Variants in MCF2L observed in about 807,000 individuals in gnomAD.
MCF2L encodes MCF.2 cell line derived transforming sequence like, also known as guanine nucleotide exchange factor DBS.
Under a neutral mutation model 153.4 loss-of-function variants are expected in MCF2L, and 97 were observed. That is an observed-to-expected ratio of 0.63 (90% confidence interval 0.54 to 0.75). The LOEUF is 0.75. Ranked by LOEUF, MCF2L falls within the 30% of genes least tolerant of loss-of-function variation. The probability of loss-of-function intolerance (pLI) is 0.00; values close to 1 mark genes in which losing one functional copy is unlikely to be tolerated. For synonymous variants in MCF2L, 659 were observed against 632.2 expected (o/e 1.04, Z -0.64); for missense variants, 1,347 against 1,495.2 (o/e 0.90, Z 1.64).
chr13:112,979,824 T>C, intron 1 of MCF2L: 1 of 1,432,636 alleles, frequency 7.0e-7, no homozygotes, highest in Non-Finnish European at 9.5e-7. Context: ...GTGTCCTCTC[T>C]GCGGGCAGGT....
At chr13:112,942,622 C>T (rs55703030) in intron 2 of MCF2L, among the ~76,000 whole-genome samples, 16,804 of 152,172 alleles carry the variant, frequency 0.11, 1,394 homozygotes, top group African/African-American at 0.23. Context: ...GTCCACCTGT[C>T]TGATTTACAC....
chr13:113,095,940 T>G (rs1181823945), intron 27 of MCF2L: 12 of 486,190 alleles, frequency 2.5e-5, no homozygotes, highest in East Asian at 1.2e-4. Flanking sequence ...GAAAGAGGAG[T>G]GAGGCTTGGG....
In MCF2L at chr13:112,969,622, G is replaced by C; in HGVS notation, c.79+164G>C. ...GGTTGGCAGCTGGTGTGTTTTCAGA[G>C]GCTGTCGGCGATCGTATGCTGCCCG... On this transcript the variant is annotated intron_variant, in intron 1 of 29. Coordinates refer to ENST00000535094, the MANE Select transcript of MCF2L (RefSeq NM_001112732.3). This position sits in a 1 kb window ranked among gnomAD's most constrained non-coding sequence, Gnocchi z 4.8. 1 of 800,742 alleles carries C rather than the reference G, an allele frequency of 1.2e-6. No individual in the cohort carries two copies. Among genetic ancestry groups the C allele is most frequent in the Non-Finnish European group, 1.5e-6 (1 of 661,188 alleles). 49.6% of individuals were successfully genotyped at this position (800,742 alleles called of 1,614,324 possible). A position where few individuals can be genotyped will look rare whatever the true frequency, so the allele number is the denominator to read the frequency against.
chr13:112,928,248 T>C (rs1208617375), intron 2 of MCF2L, among the ~76,000 whole-genome samples: 3 of 152,328 alleles, frequency 2.0e-5, no homozygotes, highest in South Asian at 4.2e-4. Flanking sequence ...GTTGCAGTCA[T>C]TGCACCGTTT....
At chr13:113,050,297 T>A in intron 4 of MCF2L, among the ~76,000 whole-genome samples, 1 of 140,344 alleles carries the variant, frequency 7.1e-6, no homozygotes, top group South Asian at 2.3e-4. Flanking sequence ...AGAGTGTGTG[T>A]GTGTGAGAGT....
At chr13:113,050,714 G>GAT (rs2087214076) in intron 4 of MCF2L, among the ~76,000 whole-genome samples, 1 of 25,364 alleles carries the variant, frequency 3.9e-5, no homozygotes, top group Non-Finnish European at 8.9e-5. Flanking sequence ...GGAGGAGCAG[G>GAT]GGGGGCGGGG....
intron 24 of MCF2L, 57 bp downstream of exon 24, chr13:113,088,462 C>T (rs2034853427): frequency 6.2e-7 from 1 of 1,609,094 alleles, no homozygotes; most frequent in Admixed American, 1.7e-5. Flanking sequence ...TGCATTTTTA[C>T]CTATGTTCAG....
At position 112,921,034 on chromosome 13, in the gene MCF2L, G is replaced by A. The variant is rs528962754; in HGVS notation, c.169+18663G>A. On this transcript the variant is annotated intron_variant, in intron 2 of 29. Transcript: ENST00000375608. ...AAAAAAAAAATCCAAAAAATTAGCC[G>A]GGTGTGGTGGCGGGCGCCTGTAGTC... Among the ~76,000 whole-genome samples, 1,417 of 151,896 alleles carry A rather than the reference G, an allele frequency of 9.3e-3. 12 individuals carry two copies. The highest frequency in any genetic ancestry group is 0.015 in the Non-Finnish European group (1,037 of 67,924).
At chr13:112,970,296 G>A (rs1255041176) in intron 1 of MCF2L, among the ~76,000 whole-genome samples, 2 of 152,206 alleles carry the variant, frequency 1.3e-5, no homozygotes, top group African/African-American at 4.8e-5. Context: ...AGATTAAAAT[G>A]TCAGTTGCTT....
chr13:113,088,557 C>A lies in MCF2L; in HGVS notation c.2768-5C>A. ...TCACGTGGTTTGTCTGCTCCCTCCT[C>A]GCAGAAGCCAGCCAGCACCGGGCGC... On this transcript the variant is annotated splice_polypyrimidine_tract_variant and splice_region_variant and intron_variant, in intron 24 of 29. Coordinates refer to ENST00000535094, the MANE Select transcript of MCF2L (RefSeq NM_001112732.3). 1 of 1,611,108 alleles carries A rather than the reference C, an allele frequency of 6.2e-7. No individual in the cohort carries two copies. Among genetic ancestry groups the A allele is most frequent in the South Asian group, 1.1e-5 (1 of 90,924 alleles).
rs1036076210 is a variant in MCF2L at position 113,035,902 on chromosome 13, G to A, written c.279-9369G>A. ...TTGGTAGTGAGTCTGTGTGACAGGC[G>A]ATGGGGCCTTCCTCTCTGGTACAGC... On this transcript the variant is annotated intron_variant, in intron 3 of 29. Transcript: ENST00000535094. The surrounding 1 kb of genome is among the most constrained non-coding windows in gnomAD (Gnocchi z 4.4). Among the ~76,000 whole-genome samples the A allele has an allele frequency of 4.6e-5, 7 of 152,126 alleles. No individual in the cohort carries two copies. Among genetic ancestry groups the A allele is most frequent in the Non-Finnish European group, 1.0e-4 (7 of 68,048 alleles).
In MCF2L at chr13:112,960,005, G is replaced by A. The variant is rs1020344019; in HGVS notation, c.170-54758G>A. 2.0e-5 allele frequency among the ~76,000 whole-genome samples: 3 copies of A among 152,232 alleles called. No homozygotes were observed. The highest frequency in any genetic ancestry group is 2.9e-5 in the Non-Finnish European group (2 of 68,046). ...AGCCCTCTCTCTGTTCTCACGCGTCGGGCTGCGGCAGAGGTGCCTGTGTCA... is the reference window on the plus strand; with the variant it reads ...AGCCCTCTCTCTGTTCTCACGCGTCAGGCTGCGGCAGAGGTGCCTGTGTCA... On this transcript the variant is annotated intron_variant, in intron 2 of 29. Transcript: ENST00000375608. The surrounding 1 kb of genome is among the most constrained non-coding windows in gnomAD (Gnocchi z 4.2).
chr13:112,958,591 C>T (rs1430675625), intron 2 of MCF2L, among the ~76,000 whole-genome samples: 4 of 152,240 alleles, frequency 2.6e-5, no homozygotes, highest in Admixed American at 2.6e-4. Flanking sequence ...GACTCACCTT[C>T]CTCATTTCCC....
At chr13:112,937,733 G>A (rs916599906) in intron 2 of MCF2L, among the ~76,000 whole-genome samples, 1 of 151,470 alleles carries the variant, frequency 6.6e-6, no homozygotes, top group East Asian at 1.9e-4. Flanking sequence ...AGCCAAGGTA[G>A]GTGAGCACTG....
intron 2 of MCF2L, among the ~76,000 whole-genome samples, chr13:112,935,081 G>A: frequency 6.6e-6 from 1 of 152,130 alleles, no homozygotes; most frequent in East Asian, 1.9e-4. Context: ...CTGTGTTAGG[G>A]GCACTGCCAA....
chr13:112,960,320 G>A lies in MCF2L; in HGVS notation c.170-54443G>A, dbSNP rs970542353. ...AGCGCGCTCTCACAACTGAAACAGCGCTCGTCCAGTCATGAGGGCAGGGTC... is the reference window on the plus strand; with the variant it reads ...AGCGCGCTCTCACAACTGAAACAGCACTCGTCCAGTCATGAGGGCAGGGTC... On this transcript the variant is annotated intron_variant, in intron 2 of 29. Transcript: ENST00000375608. The surrounding 1 kb of genome is among the most constrained non-coding windows in gnomAD (Gnocchi z 4.2). Among the ~76,000 whole-genome samples the A allele has an allele frequency of 2.0e-4, 31 of 152,270 alleles. No individual in the cohort carries two copies. The highest frequency in any genetic ancestry group is 2.0e-3 in the Admixed American group (30 of 15,296).
At chr13:113,044,773 G>A (rs370461632) in intron 3 of MCF2L, 3 of 1,612,854 alleles carry the variant, frequency 1.9e-6, no homozygotes, top group African/African-American at 1.3e-5. Context: ...TCCAGCAGAT[G>A]CTTGGGAACC....
intron 2 of MCF2L, among the ~76,000 whole-genome samples, chr13:112,926,940 G>A (rs1459535617): frequency 6.6e-6 from 1 of 152,186 alleles, no homozygotes. Context: ...TAAGACATGT[G>A]CTAATTAGCT....
chr13:112,906,771 G>A (rs946077801), intron 2 of MCF2L, among the ~76,000 whole-genome samples: 2 of 152,188 alleles, frequency 1.3e-5, no homozygotes, highest in African/African-American at 2.4e-5. Flanking sequence ...CAGCAGAGGT[G>A]AGGTGCCCCC....
Sources: gnomAD v4.1 joint callset for allele counts (sites outside exome capture counted in the v4.1 genomes callset) on GRCh38, gnomAD v4.1.1 for gene constraint, Gnocchi (gnomAD v3.1) non-coding constraint, MANE v1.5 for transcripts, NCBI Gene and HGNC (gene_info 2026-07-23, HGNC 2026-07-21) for gene names.